The following LIFR variants were observed in gnomAD, a reference collection of about 807,000 sequenced individuals.
LIFR encodes the protein leukemia inhibitory factor receptor.
LIFR carries 84 observed loss-of-function variants against 122.2 expected under a neutral mutation model. The ratio of observed to expected loss-of-function variants is 0.69; its 90% CI spans 0.58 to 0.82. LIFR has a LOEUF of 0.82. Among genes scored for constraint, LIFR ranks in the 40% least tolerant of loss-of-function variants. The pLI is 0.00. For missense variants in LIFR, 1,294 were observed against 1,311.6 expected (o/e 0.99, Z 0.21); for synonymous variants, 422 against 434.7 (o/e 0.97, Z 0.36).
chr5:38,571,914 C>G (rs532337219), intron 1 of LIFR, among the ~76,000 whole-genome samples: 2 of 152,304 alleles, frequency 1.3e-5, no homozygotes, highest in South Asian at 4.1e-4. Flanking sequence ...GAGGGCATTA[C>G]CCATGAGTAC....
At chr5:38,528,148 T>A (rs916869488) in intron 3 of LIFR, among the ~76,000 whole-genome samples, 2 of 152,210 alleles carry the variant, frequency 1.3e-5, no homozygotes, top group Admixed American at 6.5e-5. Flanking sequence ...CAGGGTAGAA[T>A]GTCCTCCTAT....
At chr5:38,530,859 T>C (rs1049155017) in intron 1 of LIFR, 193 bp from the exon 2 acceptor site, 3 of 556,610 alleles carry the variant, frequency 5.4e-6, no homozygotes, top group East Asian at 3.0e-5. Context: ...TTGCTTTAGG[T>C]ATCTACTACG....
chr5:38,496,615 T>C lies in LIFR; in HGVS notation c.1672-20A>G, dbSNP rs752282918. On this transcript the variant is annotated intron_variant, in intron 12 of 19. Transcript: ENST00000453190. ...TAAAGGCTATGAAAAACAGACAAATTGTTATAAAACCCTGCAAAACGTGAC... is the reference window on the plus strand; with the variant it reads ...TAAAGGCTATGAAAAACAGACAAATCGTTATAAAACCCTGCAAAACGTGAC... 6.4e-7 allele frequency: 1 copy of C among 1,566,552 alleles called. No homozygotes were observed. The highest frequency in any genetic ancestry group is 8.8e-7 in the Non-Finnish European group (1 of 1,137,202).
In LIFR at chr5:38,493,592, C is replaced by G. The variant is rs371426465; in HGVS notation, c.2065+14G>C. 13 of 1,610,432 alleles carry G rather than the reference C, an allele frequency of 8.1e-6. No homozygotes were observed. The African/African-American group carries it at 1.6e-4, about 20-fold the overall frequency. ...TTTTGTAGAACTTAATTGAGAGACA[C>G]TAATTCATCTTACCAGATTCTATTA... On this transcript the variant is annotated intron_variant, in intron 14 of 19. Coordinates refer to ENST00000453190, the MANE Select transcript of LIFR (RefSeq NM_001127671.2).
rs1743734531 is a variant in LIFR, at chr5:38,476,608, C to T, written c.*4987G>A. ...ATATAATATAAATCAACTTTCTTATCAATTAGACATTTTCCCCACTCACAT... is the reference window on the plus strand; with the variant it reads ...ATATAATATAAATCAACTTTCTTATTAATTAGACATTTTCCCCACTCACAT... On this transcript the variant is annotated 3_prime_UTR_variant, in exon 20 of 20. Coordinates refer to ENST00000453190, the MANE Select transcript of LIFR (RefSeq NM_001127671.2). 1 of 202,118 alleles carries T rather than the reference C, an allele frequency of 4.9e-6. No homozygotes were observed. Among genetic ancestry groups the T allele is most frequent in the Admixed American group, 6.0e-5 (1 of 16,604 alleles). The allele number at this position is 202,118 out of a possible 1,614,324, so 12.5% of individuals were successfully genotyped here. A position where few individuals can be genotyped will look rare whatever the true frequency, so the allele number is the denominator to read the frequency against.
At chr5:38,602,269 A>G (rs761090556) in intron 2 of LIFR, among the ~76,000 whole-genome samples, 4 of 152,194 alleles carry the variant, frequency 2.6e-5, no homozygotes, top group Non-Finnish European at 4.4e-5. Context: ...AATTCTTGAC[A>G]TATACTCCTC....
chr5:38,599,685 C>T (rs1010062441), upstream of LIFR, among the ~76,000 whole-genome samples: 1 of 152,088 alleles, frequency 6.6e-6, no homozygotes, highest in African/African-American at 2.4e-5. Flanking sequence ...TTACAGACTC[C>T]TTGGTGTTGG....
chr5:38,527,442 A>G (rs1291478485), intron 3 of LIFR, 148 bp from the exon 4 acceptor site: 7 of 609,538 alleles, frequency 1.1e-5, no homozygotes, highest in Non-Finnish European at 2.0e-5. Flanking sequence ...TTAAGACTGA[A>G]AAAACAGATT....
intron 1 of LIFR, among the ~76,000 whole-genome samples, chr5:38,532,851 T>G (rs1400553101): frequency 6.6e-6 from 1 of 152,172 alleles, no homozygotes; most frequent in South Asian, 2.1e-4. Context: ...ATAGAAACAT[T>G]GTCAGAATTC....
chr5:38,553,622 C>CTATATATATATATATA (rs66547796), intron 1 of LIFR, among the ~76,000 whole-genome samples: 3 of 41,610 alleles, frequency 7.2e-5, no homozygotes, highest in Non-Finnish European at 1.8e-4. Flanking sequence ...ACCATTTAAA[C>CTATATATATATATATA]TATATATATA....
chr5:38,553,471 C>T (rs1033763465), intron 1 of LIFR, among the ~76,000 whole-genome samples: 2 of 151,130 alleles, frequency 1.3e-5, no homozygotes, highest in Non-Finnish European at 3.0e-5. Context: ...ATAATTTAGT[C>T]CCTAGAAAGT....
In LIFR at chr5:38,551,801, GCATAGAATA is replaced by G. The variant is rs1748217880; in HGVS notation, c.-20+4524_-20+4532del. Among the ~76,000 whole-genome samples, 6 of 152,292 alleles carry G rather than the reference GCATAGAATA, an allele frequency of 3.9e-5. No individual in the cohort carries two copies. The South Asian group carries it at 1.2e-3, about 32-fold the overall frequency. On this transcript the variant is annotated intron_variant, in intron 1 of 19. Transcript: ENST00000453190. The stretch of plus-strand genomic sequence containing the variant: ...TTTTTCCTCAACTTCCAACATGAAA[GCATAGAATA>G]GTATCTCCCAAACACATATCTTTGC...
intron 1 of LIFR, among the ~76,000 whole-genome samples, chr5:38,555,379 T>C (rs1054435777): frequency 1.3e-5 from 2 of 152,186 alleles, no homozygotes; most frequent in African/African-American, 2.4e-5. Context: ...AAGGTTTGCC[T>C]TAAATTTAAT....
intron 11 of LIFR, among the ~76,000 whole-genome samples, chr5:38,501,509 T>C (rs979674306): frequency 6.6e-6 from 1 of 152,174 alleles, no homozygotes; most frequent in African/African-American, 2.4e-5. Context: ...ATCCCAGTAC[T>C]TTGGGAGGCC....
chr5:38,498,318 T>C (rs1744994125), intron 12 of LIFR, among the ~76,000 whole-genome samples: 1 of 152,204 alleles, frequency 6.6e-6, no homozygotes. Context: ...TCTCCTCTGC[T>C]GGTTCCTCCT....
intron 2 of LIFR, chr5:38,606,098 G>A (rs548134472): frequency 6.6e-6 from 1 of 152,208 alleles, no homozygotes; most frequent in Non-Finnish European, 1.5e-5. Flanking sequence ...GCTATGTTGG[G>A]GCAGATCTAG....
At chr5:38,521,103 T>C (rs1180776106) in intron 5 of LIFR, among the ~76,000 whole-genome samples, 1 of 152,220 alleles carries the variant, frequency 6.6e-6, no homozygotes. Context: ...CTCTTCAATT[T>C]CTTTCATCAG....
intron 4 of LIFR, among the ~76,000 whole-genome samples, chr5:38,525,910 C>T (rs778672943): frequency 7.9e-5 from 12 of 152,160 alleles, no homozygotes; most frequent in Non-Finnish European, 1.8e-4. Context: ...AAATGCTTCC[C>T]TCCCTGAAAA....
chr5:38,515,100 C>A (rs2112510806), intron 5 of LIFR, among the ~76,000 whole-genome samples: 1 of 152,246 alleles, frequency 6.6e-6, no homozygotes, highest in South Asian at 2.1e-4. Context: ...ACCACAGCTT[C>A]CTAAGAAATG....
Sources: gnomAD v4.1 joint callset for allele counts (sites outside exome capture counted in the v4.1 genomes callset) on GRCh38, gnomAD v4.1.1 for gene constraint, MANE v1.5 for transcripts, NCBI Gene and HGNC (gene_info 2026-07-23, HGNC 2026-07-21) for gene names.